The following GAB2 variants were observed in gnomAD, a reference collection of about 807,000 sequenced individuals.
GAB2 encodes the protein GRB2 associated binding protein 2, also known as GRB2-associated-binding protein 2.
Under a neutral mutation model 65.5 loss-of-function variants are expected in GAB2, and 26 were observed. The ratio of observed to expected loss-of-function variants is 0.40; its 90% confidence interval spans 0.29 to 0.55. The LOEUF (loss-of-function observed/expected upper bound fraction) is 0.55, where lower values mean the gene tolerates loss of function less well. Ranked by LOEUF, GAB2 falls within the 20% of genes least tolerant of loss-of-function variation. The pLI is 0.53. For missense variants in GAB2, 884 were observed against 875.8 expected, an observed-to-expected ratio of 1.01 and a Z score of -0.12; for synonymous variants, 321 against 329.6, an observed-to-expected ratio of 0.97 and a Z score of 0.28.
At chr11:78,283,359 T>C (rs1196726055) in intron 1 of GAB2, among the ~76,000 whole-genome samples, 3 of 152,196 alleles carry the variant, frequency 2.0e-5, no homozygotes, top group Non-Finnish European at 4.4e-5. Flanking sequence ...ATTCTCCCCT[T>C]CTTCAGAATC....
chr11:78,362,146 G>C (rs72931690), intron 1 of GAB2, among the ~76,000 whole-genome samples: 1 of 150,812 alleles, frequency 6.6e-6, no homozygotes, highest in Admixed American at 6.6e-5. Context: ...GAGTTAATAC[G>C]TATTTGTATG....
At chr11:78,368,669 T>C (rs73500986) in intron 1 of GAB2, among the ~76,000 whole-genome samples, 8,333 of 151,954 alleles carry the variant, frequency 0.055, 702 homozygotes, top group African/African-American at 0.18. Context: ...TCACTACATA[T>C]GTTTGTAACA....
chr11:78,406,986 A>G (rs1857053728), intron 1 of GAB2, among the ~76,000 whole-genome samples: 1 of 152,226 alleles, frequency 6.6e-6, no homozygotes, highest in African/African-American at 2.4e-5. Context: ...ATGGCAGAAT[A>G]GTGAGGACAG....
chr11:78,325,648 T>C (rs1194760982), intron 1 of GAB2, among the ~76,000 whole-genome samples: 1 of 152,216 alleles, frequency 6.6e-6, no homozygotes, highest in Non-Finnish European at 1.5e-5. Context: ...CTATCTGTGT[T>C]CTGATGTGCC....
intron 2 of GAB2, among the ~76,000 whole-genome samples, chr11:78,276,204 G>T (rs761208041): frequency 6.6e-6 from 1 of 152,066 alleles, no homozygotes; most frequent in South Asian, 2.1e-4. Context: ...GGAGGCTGAG[G>T]TGGGAACGCT....
At chr11:78,340,572 G>A (rs1232538196) in intron 1 of GAB2, among the ~76,000 whole-genome samples, 2 of 149,118 alleles carry the variant, frequency 1.3e-5, no homozygotes, top group African/African-American at 5.0e-5. Flanking sequence ...GCTTATATCT[G>A]TCTCATCTGG....
chr11:78,248,867 G>A (rs977582256), intron 3 of GAB2, among the ~76,000 whole-genome samples: 70 of 152,066 alleles, frequency 4.6e-4, no homozygotes, highest in African/African-American at 1.5e-3. Context: ...TTAGTGATTC[G>A]GGAGAATCAG....
At chr11:78,312,871 C>T (rs181680370) in intron 1 of GAB2, among the ~76,000 whole-genome samples, 24 of 152,254 alleles carry the variant, frequency 1.6e-4, no homozygotes, top group African/African-American at 5.1e-4. Flanking sequence ...ACCTGCCCCA[C>T]GTGTCTCAGA....
intron 3 of GAB2, among the ~76,000 whole-genome samples, chr11:78,232,285 A>T (rs1178823897): frequency 6.6e-6 from 1 of 152,178 alleles, no homozygotes; most frequent in Non-Finnish European, 1.5e-5. Flanking sequence ...CTCACCAATG[A>T]AATTTCACTC....
chr11:78,350,142 C>A (rs1856254144), intron 1 of GAB2, among the ~76,000 whole-genome samples: 1 of 152,176 alleles, frequency 6.6e-6, no homozygotes, highest in Non-Finnish European at 1.5e-5. Flanking sequence ...TACCGTCTTC[C>A]TATTTCAGAC....
Position 78,409,605 on chromosome 11 carries a change from AT to A in GAB2, c.75+8040del, listed in dbSNP as rs766249522. On this transcript the variant is annotated intron_variant, in intron 1 of 9. Coordinates refer to ENST00000361507, the MANE Select transcript of GAB2 (RefSeq NM_080491.3). ...CATCTCCAAAAAAATAATAAAAAAAATAAAATATGTGAAACAAAAACAGATA... is the reference window on the plus strand; with the variant it reads ...CATCTCCAAAAAAATAATAAAAAAAAAAAATATGTGAAACAAAAACAGATA... 8.5e-5 allele frequency among the ~76,000 whole-genome samples: 13 copies of A among 152,332 alleles called. No homozygotes were observed. The South Asian group carries it at 1.9e-3, about 22-fold the overall frequency.
rs149390739 is a variant in GAB2 at position 78,240,130 on chromosome 11, C to A, written c.620+10027G>T. ...AAAACAGTATCTTGGCTGCTCAGAA[C>A]AGTCATGCCTCCACAGTGCCTAAGC... On this transcript the variant is annotated intron_variant, in intron 3 of 9. Transcript: ENST00000361507. Among the ~76,000 whole-genome samples, 123 of 152,282 alleles carry A rather than the reference C, an allele frequency of 8.1e-4. 1 individual carries two copies. In the East Asian group the frequency reaches 0.022, roughly 27 times the overall value.
chr11:78,293,802 T>G, intron 1 of GAB2, among the ~76,000 whole-genome samples: 1 of 152,180 alleles, frequency 6.6e-6, no homozygotes, highest in Non-Finnish European at 1.5e-5. Flanking sequence ...ATTTGTCGCC[T>G]AAGAACAGCC....
At chr11:78,401,491 G>A (rs182938357) in intron 1 of GAB2, among the ~76,000 whole-genome samples, 2 of 144,670 alleles carry the variant, frequency 1.4e-5, no homozygotes, top group East Asian at 4.1e-4. Context: ...TCCCTTTTAA[G>A]GCTGAACAGT....
At chr11:78,264,897 C>T (rs577635201) in intron 2 of GAB2, among the ~76,000 whole-genome samples, 10 of 152,094 alleles carry the variant, frequency 6.6e-5, no homozygotes, top group African/African-American at 1.4e-4. Context: ...GCATGGTAGA[C>T]GTCTCCAAAG....
At chr11:78,220,278 C>G (rs1470956307) in intron 9 of GAB2, 41 bp downstream of exon 9, 2 of 1,609,476 alleles carry the variant, frequency 1.2e-6, no homozygotes, top group Admixed American at 3.3e-5. Flanking sequence ...CCTCCGGGAC[C>G]CTGAGAGCTC....
At chr11:78,308,696 G>A (rs547983019) in intron 1 of GAB2, among the ~76,000 whole-genome samples, 1 of 152,242 alleles carries the variant, frequency 6.6e-6, no homozygotes, top group Admixed American at 6.5e-5. Context: ...ACATACTTAT[G>A]GTAAAACTGC....
chr11:78,222,739 C>T (rs530616965), intron 6 of GAB2, among the ~76,000 whole-genome samples: 7 of 151,990 alleles, frequency 4.6e-5, no homozygotes, highest in East Asian at 1.9e-4. Context: ...CCTGCCACCA[C>T]GCTTAGCTAA....
chr11:78,280,346 T>C (rs1361291359), intron 2 of GAB2: 2 of 507,098 alleles, frequency 3.9e-6, no homozygotes, highest in Non-Finnish European at 7.1e-6. Flanking sequence ...GGCAGTGGTG[T>C]TGAGGCACCT....
Sources: allele counts gnomAD v4.1 joint callset (sites outside exome capture counted in the v4.1 genomes callset), GRCh38; gene constraint gnomAD v4.1.1; transcripts MANE v1.5; gene names NCBI Gene and HGNC (gene_info 2026-07-23, HGNC 2026-07-21).